The following TXLNB variants were observed in gnomAD, a reference collection of about 807,000 sequenced individuals.
TXLNB encodes the protein beta-taxilin.
A neutral mutation model predicts 57.4 loss-of-function variants in TXLNB; 37 were observed. The observed-to-expected ratio is 0.64, with a 90% CI of 0.50 to 0.85. The LOEUF (loss-of-function observed/expected upper bound fraction) is 0.85, where lower values mean the gene tolerates loss of function less well. TXLNB is among the 40% of genes least tolerant of loss of function. The pLI is 0.00. For synonymous variants in TXLNB, 302 were observed against 309.6 expected (o/e 0.98, Z 0.26); for missense variants, 848 against 825.6 (o/e 1.03, Z -0.33).
chr6:139,186,156 C>A, the TXLNB span, among the ~76,000 whole-genome samples: 1 of 151,914 alleles, frequency 6.6e-6, no homozygotes, highest in Non-Finnish European at 1.5e-5. Flanking sequence ...TATAAATAAC[C>A]CAATCTGGAT....
chr6:139,280,299 C>T (rs556392811), intron 2 of TXLNB, among the ~76,000 whole-genome samples: 1 of 147,924 alleles, frequency 6.8e-6, no homozygotes, highest in Non-Finnish European at 1.5e-5. Flanking sequence ...AAACAAAAAA[C>T]CTGAAATTAA....
In TXLNB at chr6:139,241,779, T is replaced by C. The variant is rs1014473951; in HGVS notation, c.*747A>G. The C allele has an allele frequency of 2.0e-5, 3 of 152,236 alleles. No individual in the cohort carries two copies. Among genetic ancestry groups the C allele is most frequent in the Non-Finnish European group, 2.9e-5 (2 of 68,034 alleles). The allele number at this position is 152,236 out of a possible 1,614,324, so 9.4% of individuals were successfully genotyped here. ...ACTGGTTGAATTCATTTATCTACCA[T>C]TGGGTTACTTATTTTTGCCCAACAT... is the stretch of plus-strand genomic sequence containing the variant. On this transcript the variant is annotated 3_prime_UTR_variant, in exon 10 of 10. Coordinates refer to ENST00000358430, the MANE Select transcript of TXLNB (RefSeq NM_153235.4).
the TXLNB span, among the ~76,000 whole-genome samples, chr6:139,202,428 T>C: frequency 6.6e-6 from 1 of 152,214 alleles, no homozygotes; most frequent in African/African-American, 2.4e-5. Context: ...TAAAGATTAT[T>C]AAAAACTTAC....
At chr6:139,167,579 A>C in the TXLNB span, among the ~76,000 whole-genome samples, 1 of 152,248 alleles carries the variant, frequency 6.6e-6, no homozygotes, top group South Asian at 2.1e-4. Context: ...TTGCCGGTGT[A>C]TGGTTTTGCA....
chr6:139,229,103 T>A, the TXLNB span, among the ~76,000 whole-genome samples: 990 of 152,296 alleles, frequency 6.5e-3, 10 homozygotes, highest in African/African-American at 0.022. Flanking sequence ...CTTTGCTAAA[T>A]AATTTTTATT....
intron 7 of TXLNB, among the ~76,000 whole-genome samples, chr6:139,254,858 G>A (rs1252463305): frequency 1.3e-5 from 2 of 151,966 alleles, no homozygotes; most frequent in African/African-American, 4.8e-5. Flanking sequence ...TCACTCTGTC[G>A]CCCAGGCTGG....
the TXLNB span, among the ~76,000 whole-genome samples, chr6:139,309,644 G>T: frequency 6.6e-6 from 1 of 152,108 alleles, no homozygotes; most frequent in Admixed American, 6.6e-5. Flanking sequence ...TACAAAAAGG[G>T]CCAGGCACAG....
intron 6 of TXLNB, among the ~76,000 whole-genome samples, chr6:139,258,372 T>C (rs1776397530): frequency 6.6e-6 from 1 of 152,192 alleles, no homozygotes; most frequent in South Asian, 2.1e-4. Context: ...ATGGGAAGCA[T>C]ATTTTACCCA....
the TXLNB span, among the ~76,000 whole-genome samples, chr6:139,203,356 T>C: frequency 6.6e-6 from 1 of 152,196 alleles, no homozygotes; most frequent in East Asian, 1.9e-4. Flanking sequence ...CATTAGTGCT[T>C]CACCTACTGC....
At chr6:139,276,039 T>C (rs546339330) in intron 3 of TXLNB, among the ~76,000 whole-genome samples, 2 of 152,364 alleles carry the variant, frequency 1.3e-5, no homozygotes, top group South Asian at 4.1e-4. Flanking sequence ...TGCAACTACA[T>C]GATTTCATGC....
chr6:139,168,109 C>A, the TXLNB span, among the ~76,000 whole-genome samples: 2 of 152,202 alleles, frequency 1.3e-5, no homozygotes, highest in Admixed American at 6.5e-5. Flanking sequence ...AGTACCCAGA[C>A]AAACATTTTC....
chr6:139,191,770 A>G, the TXLNB span, among the ~76,000 whole-genome samples: 1 of 152,156 alleles, frequency 6.6e-6, no homozygotes, highest in Non-Finnish European at 1.5e-5. Flanking sequence ...AGACTCAGGG[A>G]GTTGTGTTGA....
At chr6:139,191,341 C>T in the TXLNB span, among the ~76,000 whole-genome samples, 2 of 152,148 alleles carry the variant, frequency 1.3e-5, no homozygotes, top group African/African-American at 2.4e-5. Context: ...ATCGCTTGAA[C>T]CTGGGAGGTG....
chr6:139,252,556 T>C (rs1294930123), intron 7 of TXLNB, among the ~76,000 whole-genome samples: 1 of 152,236 alleles, frequency 6.6e-6, no homozygotes, highest in Non-Finnish European at 1.5e-5. Context: ...TGTGGAACAC[T>C]GCAGGCAATG....
chr6:139,200,884 G>C, the TXLNB span, among the ~76,000 whole-genome samples: 1 of 152,078 alleles, frequency 6.6e-6, no homozygotes, highest in African/African-American at 2.4e-5. Flanking sequence ...CATAGCCTGG[G>C]CAGCTGCTGG....
At chr6:139,173,874 G>A in the TXLNB span, among the ~76,000 whole-genome samples, 1 of 152,134 alleles carries the variant, frequency 6.6e-6, no homozygotes, top group Non-Finnish European at 1.5e-5. Flanking sequence ...AGCATTTTGA[G>A]GACAAGGATA....
At chr6:139,288,351 G>A in intron 2 of TXLNB, 125 bp downstream of exon 2, 1 of 944,266 alleles carries the variant, frequency 1.1e-6, no homozygotes, top group East Asian at 2.5e-5. Flanking sequence ...TACAACAAGG[G>A]AAAATATAGA....
chr6:139,289,093 A>G (rs1469947904), intron 1 of TXLNB, among the ~76,000 whole-genome samples, 180 bp from the exon 2 acceptor site: 3 of 152,200 alleles, frequency 2.0e-5, no homozygotes, highest in Non-Finnish European at 4.4e-5. Flanking sequence ...CACCCCTCAT[A>G]TCGTCTTATG....
the TXLNB span, among the ~76,000 whole-genome samples, chr6:139,206,775 C>A: frequency 2.6e-5 from 4 of 151,594 alleles, no homozygotes; most frequent in East Asian, 1.9e-4. Context: ...TAAGACCTCA[C>A]ATAGACTTAA....
Sources: gnomAD v4.1 joint callset for allele counts (sites outside exome capture counted in the v4.1 genomes callset) on GRCh38, gnomAD v4.1.1 for gene constraint, MANE v1.5 for transcripts, NCBI Gene and HGNC (gene_info 2026-07-23, HGNC 2026-07-21) for gene names.